EPHB1: variants seen among roughly 807,000 people sequenced by gnomAD.
The protein encoded by EPHB1 is EPH receptor B1, also known as ephrin type-B receptor 1.
EPHB1 carries 30 observed loss-of-function variants against 94.4 expected under a neutral mutation model. That is an observed-to-expected ratio of 0.32 (90% CI 0.24 to 0.43). The LOEUF (loss-of-function observed/expected upper bound fraction) is 0.43, where lower values mean the gene tolerates loss of function less well. Ranked by LOEUF, EPHB1 falls within the 20% of genes least tolerant of loss-of-function variation. EPHB1 has a pLI of 1.00. For missense variants in EPHB1, 1,055 were observed against 1,308.3 expected, an observed-to-expected ratio of 0.81 and a Z score of 2.99; for synonymous variants, 522 against 489.1, an observed-to-expected ratio of 1.07 and a Z score of -0.89.
chr3:135,133,176 T>C (rs1392518273), intron 5 of EPHB1, 127 bp downstream of exon 5: 33 of 918,338 alleles, frequency 3.6e-5, no homozygotes, highest in Admixed American at 1.2e-4. Flanking sequence ...GGAGTGAAGG[T>C]GTCAGGTGAT....
intron 6 of EPHB1, among the ~76,000 whole-genome samples, chr3:135,156,758 T>A (rs903171995): frequency 6.6e-6 from 1 of 152,280 alleles, no homozygotes; most frequent in East Asian, 1.9e-4. Flanking sequence ...CTGTTATATC[T>A]GATCCATTTT....
At chr3:134,795,767 TTCC>T in intron 1 of EPHB1, 78 bp downstream of exon 1, 1 of 1,473,450 alleles carries the variant, frequency 6.8e-7, no homozygotes, top group Non-Finnish European at 9.4e-7. Flanking sequence ...GTTCGCGGGG[TTCC>T]TCTGGCTGCT....
intron 4 of EPHB1, among the ~76,000 whole-genome samples, chr3:135,131,280 T>C (rs1940406259): frequency 6.6e-6 from 1 of 152,220 alleles, no homozygotes; most frequent in African/African-American, 2.4e-5. Context: ...GAACCCGATT[T>C]AATATTTGCT....
chr3:135,038,569 G>A (rs1363171702), intron 3 of EPHB1, among the ~76,000 whole-genome samples: 1 of 152,134 alleles, frequency 6.6e-6, no homozygotes, highest in African/African-American at 2.4e-5. Flanking sequence ...GTGGGTTCTT[G>A]GTCTCACTGA....
At chr3:135,217,974 C>T (rs1324748134) in intron 12 of EPHB1, among the ~76,000 whole-genome samples, 2 of 152,152 alleles carry the variant, frequency 1.3e-5, no homozygotes, top group Non-Finnish European at 2.9e-5. Context: ...CTTTACTTCT[C>T]CCCATAGCTC....
chr3:135,098,531 T>C (rs1431809648), intron 3 of EPHB1, among the ~76,000 whole-genome samples: 2 of 152,198 alleles, frequency 1.3e-5, no homozygotes, highest in Non-Finnish European at 2.9e-5. Flanking sequence ...TCTCCCTTTC[T>C]CTCTTCTTTC....
intron 2 of EPHB1, among the ~76,000 whole-genome samples, chr3:134,939,045 A>G (rs1363425312): frequency 6.6e-6 from 1 of 152,138 alleles, no homozygotes; most frequent in East Asian, 1.9e-4. Flanking sequence ...CTCTGCTTGA[A>G]GCCACTTTCT....
rs952511435 is a variant in EPHB1, at chr3:135,107,644, A to G, written c.961+1041A>G. Among the ~76,000 whole-genome samples, 6 of 152,292 alleles carry G rather than the reference A, an allele frequency of 3.9e-5. No individual in the cohort carries two copies. In the East Asian group the frequency reaches 9.7e-4, roughly 25 times the overall value. On this transcript the variant is annotated intron_variant, in intron 4 of 15. Transcript: ENST00000398015. ...CATCACAGAAGAATATTTCATTTAT[A>G]CTTTCTGTTTGATGAACAGAAAAAG...
intron 1 of EPHB1, among the ~76,000 whole-genome samples, chr3:134,810,008 C>A (rs2036137859): frequency 6.6e-6 from 1 of 152,214 alleles, no homozygotes; most frequent in Non-Finnish European, 1.5e-5. Context: ...CAGGGCACTG[C>A]TGCTTCCTAG....
chr3:134,915,833 G>T (rs2038557740), intron 1 of EPHB1, among the ~76,000 whole-genome samples: 2 of 152,190 alleles, frequency 1.3e-5, no homozygotes. Flanking sequence ...AGGCGTTGTG[G>T]ACCCAAAGAG....
chr3:134,925,349 A>G (rs1051555898), intron 1 of EPHB1, among the ~76,000 whole-genome samples: 6 of 152,234 alleles, frequency 3.9e-5, no homozygotes, highest in Non-Finnish European at 8.8e-5. Context: ...AGGAGGGCAG[A>G]CAGATGAGGC....
intron 1 of EPHB1, among the ~76,000 whole-genome samples, chr3:134,821,747 A>G (rs1382475943): frequency 6.6e-6 from 1 of 152,140 alleles, no homozygotes; most frequent in Non-Finnish European, 1.5e-5. Flanking sequence ...TGGGTGTGAA[A>G]AGATCTAATA....
chr3:135,012,820 C>G (rs1359395029), intron 3 of EPHB1, among the ~76,000 whole-genome samples: 1 of 152,198 alleles, frequency 6.6e-6, no homozygotes, highest in Admixed American at 6.5e-5. Flanking sequence ...TTATTCTCTG[C>G]AAAGGCTATT....
chr3:135,196,073 C>T (rs1480877857), intron 11 of EPHB1, among the ~76,000 whole-genome samples: 1 of 149,268 alleles, frequency 6.7e-6, no homozygotes, highest in African/African-American at 2.5e-5. Context: ...ATTTGCATTT[C>T]TCTGATGGCC....
intron 6 of EPHB1, among the ~76,000 whole-genome samples, chr3:135,157,209 G>A (rs920255851): frequency 2.0e-5 from 3 of 152,200 alleles, no homozygotes; most frequent in Non-Finnish European, 1.5e-5. Flanking sequence ...GTGCTGGGAA[G>A]GGAAAGAATA....
At position 135,219,128 on chromosome 3, in the gene EPHB1, A is replaced by G. The variant is rs542851723; in HGVS notation, c.2346+17439A>G. 1.5e-3 allele frequency among the ~76,000 whole-genome samples: 221 copies of G among 152,146 alleles called. 1 individual carries two copies. Among genetic ancestry groups the G allele is most frequent in the Non-Finnish European group, 2.2e-3 (147 of 68,032 alleles). On this transcript the variant is annotated intron_variant, in intron 12 of 15. Coordinates refer to ENST00000398015, the MANE Select transcript of EPHB1 (RefSeq NM_004441.5). ...GTAGACGTAAGCCTCATCAGAACAG[A>G]GGAGGCTAGAAAGTACTTGATGTGC...
At chr3:134,964,080 A>G (rs1285669441) in intron 3 of EPHB1, among the ~76,000 whole-genome samples, 1 of 152,244 alleles carries the variant, frequency 6.6e-6, no homozygotes. Context: ...GCTCTGTGCC[A>G]TCTGTTAAAT....
At chr3:135,125,333 A>C (rs905240820) in intron 4 of EPHB1, among the ~76,000 whole-genome samples, 6 of 151,592 alleles carry the variant, frequency 4.0e-5, no homozygotes, top group Non-Finnish European at 8.8e-5. Flanking sequence ...AAGCACCCCC[A>C]CTGTTGGCCA....
At chr3:135,129,382 G>T (rs1159637306) in intron 4 of EPHB1, among the ~76,000 whole-genome samples, 1 of 152,054 alleles carries the variant, frequency 6.6e-6, no homozygotes, top group African/African-American at 2.4e-5. Context: ...CCTCACCAAA[G>T]CCTCTGCCAC....
Sources: allele counts gnomAD v4.1 joint callset (sites outside exome capture counted in the v4.1 genomes callset), GRCh38; gene constraint gnomAD v4.1.1; transcripts MANE v1.5; gene names NCBI Gene and HGNC (gene_info 2026-07-23, HGNC 2026-07-21).